KIRREL3: variants seen among roughly 807,000 people sequenced by gnomAD.
KIRREL3 encodes kirre like nephrin family adhesion molecule 3.
A neutral mutation model predicts 89.7 loss-of-function variants in KIRREL3; 36 were observed. That is an observed-to-expected ratio of 0.40 (90% CI 0.31 to 0.53). The LOEUF (loss-of-function observed/expected upper bound fraction) is 0.53. Among genes scored for constraint, KIRREL3 ranks in the 20% least tolerant of loss-of-function variants. The pLI is 0.49. For synonymous variants in KIRREL3, 445 were observed against 441.4 expected (o/e 1.01, Z -0.10); for missense variants, 864 against 1,056.6 (o/e 0.82, Z 2.53).
chr11:126,667,967 G>A (rs1945739236), intron 1 of KIRREL3, among the ~76,000 whole-genome samples: 1 of 152,218 alleles, frequency 6.6e-6, no homozygotes, highest in African/African-American at 2.4e-5. Context: ...TCTGGGGCAA[G>A]GGGCAAGGCT....
In KIRREL3 at chr11:126,736,006, T is replaced by C. The variant is rs1217007936; in HGVS notation, c.56-173094A>G. 6.6e-6 allele frequency among the ~76,000 whole-genome samples: 1 copy of C among 152,214 alleles called. No homozygotes were observed. The highest frequency in any genetic ancestry group is 1.5e-5 in the Non-Finnish European group (1 of 68,040). ...CAGTTATTACTGCATTTATGAATCC[T>C]CAATTAGTCCTGACTTTGCTTGAGA... On this transcript the variant is annotated intron_variant, in intron 1 of 16. Coordinates refer to ENST00000525144, the MANE Select transcript of KIRREL3 (RefSeq NM_032531.4). The surrounding 1 kb of genome is among the most constrained non-coding windows in gnomAD (Gnocchi z 5.0).
chr11:126,957,015 A>G (rs1948941542), intron 1 of KIRREL3, among the ~76,000 whole-genome samples: 1 of 152,208 alleles, frequency 6.6e-6, no homozygotes, highest in Admixed American at 6.5e-5. Context: ...TCTGCAGCAC[A>G]GTTCCAAAGT....
rs11220545 is a variant in KIRREL3 at position 126,575,001 on chromosome 11, G to A, written c.56-12089C>T. Reference sequence around the variant, plus strand: ...ACCTATTTACCCCTATGAACCACTGGGGTTCTTGACTCAGGCTCTGTCAGT... The same window carrying A: ...ACCTATTTACCCCTATGAACCACTGAGGTTCTTGACTCAGGCTCTGTCAGT... On this transcript the variant is annotated intron_variant, in intron 1 of 16. Transcript: ENST00000525144. This position sits in a 1 kb window ranked among gnomAD's most constrained non-coding sequence, Gnocchi z 7.0. Among the ~76,000 whole-genome samples, 517 of 152,270 alleles carry A rather than the reference G, an allele frequency of 3.4e-3. No homozygotes were observed. The highest frequency in any genetic ancestry group is 0.012 in the African/African-American group (487 of 41,534).
intron 1 of KIRREL3, among the ~76,000 whole-genome samples, chr11:126,799,454 C>CATG (rs1950958139): frequency 6.4e-4 from 1 of 1,560 alleles, no homozygotes; most frequent in Non-Finnish European, 1.1e-3. Flanking sequence ...GCATGCATCT[C>CATG]TGTGTGCATG....
chr11:126,822,626 A>C (rs1220617116), intron 1 of KIRREL3, among the ~76,000 whole-genome samples: 1 of 152,150 alleles, frequency 6.6e-6, no homozygotes, highest in East Asian at 1.9e-4. Flanking sequence ...ATAGCTCATA[A>C]TTCATGGGTT....
intron 1 of KIRREL3, among the ~76,000 whole-genome samples, chr11:126,775,695 G>C (rs987052811): frequency 2.6e-5 from 4 of 152,144 alleles, no homozygotes; most frequent in African/African-American, 9.7e-5. Context: ...CCACATACTG[G>C]GAATTATCTT....
chr11:126,826,262 CCTAA>C (rs1304607084), intron 1 of KIRREL3, among the ~76,000 whole-genome samples: 2 of 152,254 alleles, frequency 1.3e-5, no homozygotes, highest in African/African-American at 2.4e-5. Flanking sequence ...ATCCCTAACA[CCTAA>C]CTGTCTGTCC....
chr11:126,612,634 A>G lies in KIRREL3; in HGVS notation c.56-49722T>C, dbSNP rs1356966210. The stretch of plus-strand genomic sequence containing the variant: ...TTTTGGAACAATTTCATCGCCCCCA[A>G]AATAAACCCCACACCCATCACTCCC... On this transcript the variant is annotated intron_variant, in intron 1 of 16. Transcript: ENST00000525144. This position sits in a 1 kb window ranked among gnomAD's most constrained non-coding sequence, Gnocchi z 4.5. 2.0e-5 allele frequency among the ~76,000 whole-genome samples: 3 copies of G among 152,264 alleles called. No homozygotes were observed. The East Asian group carries it at 5.8e-4, about 29-fold the overall frequency.
chr11:126,887,371 A>G (rs1945740187), intron 1 of KIRREL3, among the ~76,000 whole-genome samples: 1 of 152,184 alleles, frequency 6.6e-6, no homozygotes, highest in Admixed American at 6.5e-5. Flanking sequence ...CTGGAGGCTA[A>G]GAAGCAAGAA....
chr11:126,899,237 T>C (rs1946279331), intron 1 of KIRREL3, among the ~76,000 whole-genome samples: 1 of 152,166 alleles, frequency 6.6e-6, no homozygotes, highest in African/African-American at 2.4e-5. Flanking sequence ...AATGATCACC[T>C]GGAGAGGCTG....
intron 1 of KIRREL3, among the ~76,000 whole-genome samples, chr11:126,591,970 C>G (rs1404674668): frequency 2.0e-5 from 3 of 152,162 alleles, no homozygotes; most frequent in Non-Finnish European, 4.4e-5. Context: ...GCCAACAGCT[C>G]CCACCCCTAT....
In KIRREL3 at chr11:126,797,410, T is replaced by A. The variant is rs181728462; in HGVS notation, c.55+203045A>T. The stretch of plus-strand genomic sequence containing the variant: ...GTTTTGGTGGCGCGGCTGTTATTGG[T>A]TGGAAGAATCTGCTGGTCAGTGTCG... On this transcript the variant is annotated intron_variant, in intron 1 of 16. Transcript: ENST00000525144. The surrounding 1 kb of genome is among the most constrained non-coding windows in gnomAD (Gnocchi z 4.9). Among the ~76,000 whole-genome samples the A allele has an allele frequency of 8.9e-4, 135 of 152,256 alleles. 2 individuals carry two copies. In the East Asian group the frequency reaches 0.019, roughly 22 times the overall value.
At position 126,645,522 on chromosome 11, in the gene KIRREL3, T is replaced by C. The variant is rs554427177; in HGVS notation, c.56-82610A>G. Among the ~76,000 whole-genome samples, 12 of 152,280 alleles carry C rather than the reference T, an allele frequency of 7.9e-5. No individual in the cohort carries two copies. Among genetic ancestry groups the C allele is most frequent in the Non-Finnish European group, 1.3e-4 (9 of 68,016 alleles). On this transcript the variant is annotated intron_variant, in intron 1 of 16. Coordinates refer to ENST00000525144, the MANE Select transcript of KIRREL3 (RefSeq NM_032531.4). The surrounding 1 kb of genome is among the most constrained non-coding windows in gnomAD (Gnocchi z 4.9). ...CATGAATGAAAGAATTCATGAGTAATAGCCGGGCATAAATCAGAATATGCA... is the reference window on the plus strand; with the variant it reads ...CATGAATGAAAGAATTCATGAGTAACAGCCGGGCATAAATCAGAATATGCA...
At position 126,931,188 on chromosome 11, in the gene KIRREL3, G is replaced by C. The variant is rs1420948131; in HGVS notation, c.55+69267C>G. 6.6e-6 allele frequency among the ~76,000 whole-genome samples: 1 copy of C among 152,162 alleles called. No individual in the cohort carries two copies. The highest frequency in any genetic ancestry group is 1.5e-5 in the Non-Finnish European group (1 of 68,032). On this transcript the variant is annotated intron_variant, in intron 1 of 16. Coordinates refer to ENST00000525144, the MANE Select transcript of KIRREL3 (RefSeq NM_032531.4). This position sits in a 1 kb window ranked among gnomAD's most constrained non-coding sequence, Gnocchi z 5.1. ...TGCTGGCTTCCCCAGTAAGCTCTTT[G>C]AGGGAAAGTCCTGTTTCTTGGACAC...
At chr11:126,552,878 T>G (rs544178990) in intron 2 of KIRREL3, among the ~76,000 whole-genome samples, 34 of 152,296 alleles carry the variant, frequency 2.2e-4, no homozygotes, top group Middle Eastern at 3.4e-3. Context: ...AAGCTTTTTT[T>G]TTTAGCTGAG....
At chr11:126,733,591 T>C (rs1948705811) in intron 1 of KIRREL3, among the ~76,000 whole-genome samples, 1 of 152,244 alleles carries the variant, frequency 6.6e-6, no homozygotes, top group Non-Finnish European at 1.5e-5. Flanking sequence ...TTGAAACACA[T>C]TTATACAAGG....
chr11:126,856,047 GA>G (rs1309833789), intron 1 of KIRREL3, among the ~76,000 whole-genome samples: 4 of 152,176 alleles, frequency 2.6e-5, no homozygotes, highest in African/African-American at 9.7e-5. Context: ...TGGTTCCTGG[GA>G]TGAAAGTCCC....
At chr11:126,887,015 G>T (rs189172945) in intron 1 of KIRREL3, among the ~76,000 whole-genome samples, 1 of 152,136 alleles carries the variant, frequency 6.6e-6, no homozygotes, top group African/African-American at 2.4e-5. Flanking sequence ...AGGTGAACAC[G>T]TGAGTTAGTG....
At chr11:126,949,628 C>A (rs1388710767) in intron 1 of KIRREL3, among the ~76,000 whole-genome samples, 2 of 152,224 alleles carry the variant, frequency 1.3e-5, no homozygotes, top group Non-Finnish European at 2.9e-5. Flanking sequence ...GAGCAGCATG[C>A]TGTTGTTAGA....
Sources: allele counts gnomAD v4.1 joint callset (sites outside exome capture counted in the v4.1 genomes callset), GRCh38; gene constraint gnomAD v4.1.1; non-coding constraint Gnocchi (gnomAD v3.1); transcripts MANE v1.5; gene names NCBI Gene and HGNC (gene_info 2026-07-23, HGNC 2026-07-21).